Variants in PTK2 observed in about 807,000 individuals in gnomAD.
PTK2 encodes the protein protein tyrosine kinase 2.
In PTK2, 45 loss-of-function variants were observed where a neutral mutation model predicts 150.1. That is an observed-to-expected ratio of 0.30 (90% CI 0.24 to 0.38). The LOEUF (loss-of-function observed/expected upper bound fraction) is 0.38, where lower values mean the gene tolerates loss of function less well. Ranked by LOEUF, PTK2 falls within the 10% of genes least tolerant of loss-of-function variation. PTK2 has a pLI of 1.00. For missense variants in PTK2, 919 were observed against 1,307.3 expected (o/e 0.70, Z 4.58); for synonymous variants, 432 against 449.2 (o/e 0.96, Z 0.48).
intron 14 of PTK2, among the ~76,000 whole-genome samples, chr8:140,773,291 T>C (rs1008588024): frequency 6.6e-6 from 1 of 152,184 alleles, no homozygotes; most frequent in Non-Finnish European, 1.5e-5. Flanking sequence ...AGGCATACCA[T>C]GTAGGTGCTG....
chr8:140,807,196 T>A (rs1305005059), intron 10 of PTK2, among the ~76,000 whole-genome samples: 1 of 152,144 alleles, frequency 6.6e-6, no homozygotes, highest in East Asian at 1.9e-4. Flanking sequence ...TAAACAAACA[T>A]TACACAAGTA....
intron 1 of PTK2, among the ~76,000 whole-genome samples, chr8:140,995,414 T>C (rs917406574): frequency 1.1e-4 from 16 of 145,232 alleles, no homozygotes; most frequent in Non-Finnish European, 2.4e-4. Context: ...AGAAACTCTA[T>C]AATGGCCTCA....
At chr8:140,906,211 A>T (rs1346758843) in intron 2 of PTK2, among the ~76,000 whole-genome samples, 1 of 152,190 alleles carries the variant, frequency 6.6e-6, no homozygotes, top group Non-Finnish European at 1.5e-5. Context: ...AAAAGACAAA[A>T]AATAACAAGT....
chr8:140,717,515 T>C (rs2100040397), intron 23 of PTK2, 83 bp downstream of exon 26: 1 of 1,046,946 alleles, frequency 9.6e-7, no homozygotes, highest in Non-Finnish European at 1.5e-6. Flanking sequence ...TTTGACTTTC[T>C]CCTCATAGAA....
chr8:141,000,448 C>G (rs1237496013), intron 1 of PTK2, among the ~76,000 whole-genome samples: 2 of 152,162 alleles, frequency 1.3e-5, no homozygotes, highest in Non-Finnish European at 2.9e-5. Flanking sequence ...CGGGCCGTCG[C>G]GAGCCTCCCT....
intron 7 of PTK2, among the ~76,000 whole-genome samples, chr8:140,843,655 C>A (rs2154604051): frequency 6.6e-6 from 1 of 152,260 alleles, no homozygotes; most frequent in South Asian, 2.1e-4. Flanking sequence ...CTTCTTAGAT[C>A]ATCTCTAACT....
chr8:140,977,215 C>T (rs1215999376), intron 1 of PTK2, among the ~76,000 whole-genome samples: 1 of 151,978 alleles, frequency 6.6e-6, no homozygotes, highest in African/African-American at 2.4e-5. Context: ...CATAGTGGGA[C>T]CCTATCTCTA....
chr8:140,859,377 T>A (rs1039597659), intron 5 of PTK2, among the ~76,000 whole-genome samples: 1 of 152,200 alleles, frequency 6.6e-6, no homozygotes, highest in Non-Finnish European at 1.5e-5. Context: ...GGTATTCATT[T>A]TATCATCAAT....
At chr8:140,837,801 G>T (rs924548099) in intron 7 of PTK2, among the ~76,000 whole-genome samples, 1 of 151,814 alleles carries the variant, frequency 6.6e-6, no homozygotes, top group African/African-American at 2.4e-5. Flanking sequence ...GCTTACACCT[G>T]TAATCCTAGC....
At position 140,685,349 on chromosome 8, in the gene PTK2, C is replaced by T. The variant is rs2100019226; in HGVS notation, c.2562+1283G>A. Among the ~76,000 whole-genome samples the T allele has an allele frequency of 2.0e-5, 3 of 152,256 alleles. No homozygotes were observed. The South Asian group carries it at 6.2e-4, about 32-fold the overall frequency. On this transcript the variant is annotated intron_variant, in intron 27 of 31. Transcript: ENST00000522684. ...ATAGGCCCTTGCAAAGATTTCATGA[C>T]GAGGACACCAAAAGCAACTGCAACA... is the stretch of plus-strand genomic sequence containing the variant.
At chr8:140,814,798 G>C (rs565978454) in intron 10 of PTK2, among the ~76,000 whole-genome samples, 7 of 147,756 alleles carry the variant, frequency 4.7e-5, no homozygotes, top group African/African-American at 1.5e-4. Flanking sequence ...TTTTTGAGAC[G>C]GAGTCTCGCT....
Position 140,867,126 on chromosome 8 carries a change from T to C in PTK2, c.363-2727A>G, listed in dbSNP as rs541215404. ...CACACAGACCCTTACCAAGTCATGATAGTCGGGTTCTTTCTCAATGAGAAA... is the reference window on the plus strand; with the variant it reads ...CACACAGACCCTTACCAAGTCATGACAGTCGGGTTCTTTCTCAATGAGAAA... On this transcript the variant is annotated intron_variant, in intron 4 of 31. Transcript: ENST00000522684. Among the ~76,000 whole-genome samples, 7 of 152,246 alleles carry C rather than the reference T, an allele frequency of 4.6e-5. No individual in the cohort carries two copies. The East Asian group carries it at 5.8e-4, about 13-fold the overall frequency.
chr8:140,790,023 A>G (rs752171254), intron 13 of PTK2, among the ~76,000 whole-genome samples: 6 of 152,208 alleles, frequency 3.9e-5, no homozygotes, highest in Non-Finnish European at 7.3e-5. Context: ...TTAAAAAAGT[A>G]ATCTCAATGT....
chr8:140,715,882 T>A (rs2100039426), intron 23 of PTK2, among the ~76,000 whole-genome samples: 1 of 152,184 alleles, frequency 6.6e-6, no homozygotes, highest in African/African-American at 2.4e-5. Context: ...CCACTGCCCA[T>A]GAACCTAATT....
At position 140,719,732 on chromosome 8, in the gene PTK2, C is replaced by T. The variant is rs538968899; in HGVS notation, c.2031-2023G>A. ...TCTAACAGAAAAGAAAACTCAAAACCTTGAAACAGGGCCAGGCAAGTTGGC... is the reference window on the plus strand; with the variant it reads ...TCTAACAGAAAAGAAAACTCAAAACTTTGAAACAGGGCCAGGCAAGTTGGC... On this transcript the variant is annotated intron_variant, in intron 22 of 31. Transcript: ENST00000522684. 2.0e-5 allele frequency among the ~76,000 whole-genome samples: 3 copies of T among 151,786 alleles called. No individual in the cohort carries two copies. In the South Asian group the frequency reaches 6.2e-4, roughly 32 times the overall value.
chr8:140,824,090 T>C (rs2100110478), intron 8 of PTK2, among the ~76,000 whole-genome samples: 1 of 152,196 alleles, frequency 6.6e-6, no homozygotes, highest in South Asian at 2.1e-4. Context: ...GTGAGTCAAT[T>C]TGGTTTGATC....
At chr8:140,793,482 A>G in intron 12 of PTK2, 98 bp from the exon 13 acceptor site, 3 of 1,280,614 alleles carry the variant, frequency 2.3e-6, no homozygotes, top group Non-Finnish European at 3.3e-6. Flanking sequence ...CTATACTGGT[A>G]TTCCAGCAAT....
At chr8:140,864,169 T>C (rs2100137919) in intron 5 of PTK2, 143 bp downstream of exon 5, 4 of 452,782 alleles carry the variant, frequency 8.8e-6, no homozygotes, top group Admixed American at 8.3e-5. Flanking sequence ...AATTTCTTAT[T>C]GGTTAAAAGA....
chr8:140,676,544 C>T (rs1042178610), intron 27 of PTK2, among the ~76,000 whole-genome samples: 8 of 146,216 alleles, frequency 5.5e-5, no homozygotes, highest in East Asian at 4.0e-4. Context: ...CTAAATAATG[C>T]GTATACACAT....
Sources: gnomAD v4.1 joint callset for allele counts (sites outside exome capture counted in the v4.1 genomes callset) on GRCh38, gnomAD v4.1.1 for gene constraint, MANE v1.5 for transcripts, NCBI Gene and HGNC (gene_info 2026-07-23, HGNC 2026-07-21) for gene names.